Variants in GRM7 observed in about 807,000 individuals in gnomAD.
GRM7 encodes glutamate metabotropic receptor 7.
Under a neutral mutation model 84.5 loss-of-function variants are expected in GRM7, and 35 were observed. The observed-to-expected ratio is 0.41, with a 90% CI of 0.32 to 0.55. The LOEUF (loss-of-function observed/expected upper bound fraction) is 0.55, where lower values mean the gene tolerates loss of function less well. Ranked by LOEUF, GRM7 falls within the 20% of genes least tolerant of loss-of-function variation. The pLI is 0.19. For missense variants in GRM7, 1,003 were observed against 1,194.6 expected (o/e 0.84, Z 2.36); for synonymous variants, 487 against 455.1 (o/e 1.07, Z -0.89).
chr3:7,257,317 A>G (rs919987116), intron 2 of GRM7, among the ~76,000 whole-genome samples: 7 of 152,346 alleles, frequency 4.6e-5, no homozygotes, highest in South Asian at 4.1e-4. Flanking sequence ...CCAGAAAGTT[A>G]TTCTTGGAGG....
At chr3:7,080,181 T>G (rs1037887205) in intron 1 of GRM7, among the ~76,000 whole-genome samples, 1 of 152,076 alleles carries the variant, frequency 6.6e-6, no homozygotes, top group Non-Finnish European at 1.5e-5. Flanking sequence ...TCCAAAAATA[T>G]GTGGTCATCA....
rs74655529 is a variant in GRM7, at chr3:7,242,889, A to G, written c.737-55795A>G. 1.7e-4 allele frequency among the ~76,000 whole-genome samples: 26 copies of G among 152,214 alleles called. 1 individual carries two copies. Among genetic ancestry groups the G allele is most frequent in the African/African-American group, 5.8e-4 (24 of 41,544 alleles). On this transcript the variant is annotated intron_variant, in intron 2 of 9. Coordinates refer to ENST00000357716, the MANE Select transcript of GRM7 (RefSeq NM_000844.4). The stretch of plus-strand genomic sequence containing the variant: ...GAACAGTATGGTTTTGAACTTTGTT[A>G]TTGTAATTCTGCAGCCAAAATTGAC...
chr3:6,977,391 G>C (rs964679159), intron 1 of GRM7, among the ~76,000 whole-genome samples: 1 of 152,094 alleles, frequency 6.6e-6, no homozygotes, highest in Non-Finnish European at 1.5e-5. Flanking sequence ...CTGTGTGCGT[G>C]TGTGTTGGTG....
chr3:7,617,318 G>A (rs75815515), intron 8 of GRM7, among the ~76,000 whole-genome samples: 29 of 152,238 alleles, frequency 1.9e-4, no homozygotes, highest in African/African-American at 6.3e-4. Context: ...AAATCATGAG[G>A]ATAAGATGTT....
intron 7 of GRM7, among the ~76,000 whole-genome samples, chr3:7,487,685 G>A (rs779730): frequency 7.9e-5 from 12 of 152,232 alleles, no homozygotes; most frequent in African/African-American, 2.6e-4. Context: ...AAGAGAAGTG[G>A]AGGCATAGCA....
chr3:7,677,388 T>C (rs1400626465), intron 8 of GRM7, among the ~76,000 whole-genome samples: 2 of 151,066 alleles, frequency 1.3e-5, no homozygotes, highest in Admixed American at 6.6e-5. Context: ...CATTATGAGG[T>C]AGGTACTATT....
chr3:7,494,092 C>T (rs1240648534), intron 7 of GRM7, among the ~76,000 whole-genome samples: 7 of 152,090 alleles, frequency 4.6e-5, no homozygotes, highest in Non-Finnish European at 2.9e-5. Flanking sequence ...TTTGTTGTTA[C>T]TTATTTCCTG....
chr3:7,694,409 T>C, intron 9 of GRM7: 1 of 957,696 alleles, frequency 1.0e-6, no homozygotes, highest in Non-Finnish European at 1.2e-6. Flanking sequence ...ATTTGGTCTC[T>C]TGTACCCATT....
At chr3:7,718,861 C>G (rs1701847351) in intron 9 of GRM7, among the ~76,000 whole-genome samples, 1 of 152,174 alleles carries the variant, frequency 6.6e-6, no homozygotes, top group African/African-American at 2.4e-5. Flanking sequence ...ATCTTGCTGA[C>G]ATTGGAGACT....
At chr3:7,726,610 CCT>C (rs1353118618) in intron 9 of GRM7, among the ~76,000 whole-genome samples, 17 of 30,496 alleles carry the variant, frequency 5.6e-4, no homozygotes, top group Admixed American at 1.2e-3. Context: ...TCTCTCTCTC[CCT>C]CTATATATAT....
chr3:7,648,196 CCTTAA>C (rs1167763118), intron 8 of GRM7, among the ~76,000 whole-genome samples: 1 of 151,530 alleles, frequency 6.6e-6, no homozygotes, highest in African/African-American at 2.4e-5. Context: ...AATGAGTACC[CCTTAA>C]CTTCTTTCTC....
At chr3:7,501,276 C>T (rs1282956698) in intron 7 of GRM7, among the ~76,000 whole-genome samples, 1 of 152,180 alleles carries the variant, frequency 6.6e-6, no homozygotes, top group Non-Finnish European at 1.5e-5. Flanking sequence ...TCAAAACTCA[C>T]CCTTTTGAAC....
At chr3:6,894,665 A>T (rs1220162098) in intron 1 of GRM7, among the ~76,000 whole-genome samples, 1 of 152,158 alleles carries the variant, frequency 6.6e-6, no homozygotes, top group Non-Finnish European at 1.5e-5. Flanking sequence ...GCATCCTCAG[A>T]GCAGGTTTTG....
At chr3:7,460,052 G>A (rs577577843) in intron 6 of GRM7, among the ~76,000 whole-genome samples, 3 of 127,310 alleles carry the variant, frequency 2.4e-5, no homozygotes, top group East Asian at 2.7e-4. Flanking sequence ...TCAAATGAGA[G>A]TTATGACAGC....
At chr3:7,367,745 A>G (rs1166517756) in intron 4 of GRM7, among the ~76,000 whole-genome samples, 1 of 151,858 alleles carries the variant, frequency 6.6e-6, no homozygotes, top group Non-Finnish European at 1.5e-5. Flanking sequence ...AAAAACTAGT[A>G]CTGACCATTG....
intron 3 of GRM7, among the ~76,000 whole-genome samples, chr3:7,302,931 ATTTTTTTTT>A (rs761399796): frequency 0.11 from 13,528 of 121,688 alleles, 534 homozygotes; most frequent in Non-Finnish European, 0.15. Context: ...TGATTGTTCT[ATTTTTTTTT>A]TTTTTTTTTT....
chr3:7,736,699 T>C (rs1032086427), intron 9 of GRM7, among the ~76,000 whole-genome samples: 1 of 152,164 alleles, frequency 6.6e-6, no homozygotes, highest in African/African-American at 2.4e-5. Context: ...TTGCATCTTA[T>C]TTCCTATGAG....
intron 4 of GRM7, among the ~76,000 whole-genome samples, chr3:7,385,838 A>T (rs1411344070): frequency 6.6e-6 from 1 of 152,234 alleles, no homozygotes; most frequent in Non-Finnish European, 1.5e-5. Context: ...TCAGTGACAG[A>T]ATGGTTAAAG....
intron 2 of GRM7, among the ~76,000 whole-genome samples, chr3:7,250,547 A>G (rs75917016): frequency 1 from 151,699 of 151,702 alleles, 75,848 homozygotes; most frequent in Non-Finnish European, 1. Context: ...ATCCAAAAAA[A>G]TCCCCATCCT....
Sources: gnomAD v4.1 joint callset for allele counts (sites outside exome capture counted in the v4.1 genomes callset) on GRCh38, gnomAD v4.1.1 for gene constraint, MANE v1.5 for transcripts, NCBI Gene and HGNC (gene_info 2026-07-23, HGNC 2026-07-21) for gene names.